Variants in SCAMP5 observed in about 807,000 individuals in gnomAD.
SCAMP5 encodes the protein secretory carrier membrane protein 5.
SCAMP5 carries 7 observed loss-of-function variants against 28.3 expected under a neutral mutation model. The observed-to-expected ratio is 0.25, with a 90% CI of 0.14 to 0.46. SCAMP5 has a LOEUF of 0.46. Among genes scored for constraint, SCAMP5 ranks in the 20% least tolerant of loss-of-function variants. SCAMP5 has a pLI of 0.99. For missense variants in SCAMP5, 192 were observed against 312.5 expected (o/e 0.61, Z 2.91); for synonymous variants, 117 against 116.4 (o/e 1.00, Z -0.03).
At chr15:74,998,069 C>T (rs893868621) in intron 1 of SCAMP5, among the ~76,000 whole-genome samples, 1 of 152,214 alleles carries the variant, frequency 6.6e-6, no homozygotes, top group Non-Finnish European at 1.5e-5. Flanking sequence ...CCAGGCTTGA[C>T]CCTCGTCTGC....
At chr15:75,012,875 C>A in intron 3 of SCAMP5, 70 bp downstream of exon 3, 2 of 1,513,830 alleles carry the variant, frequency 1.3e-6, no homozygotes. Context: ...TGCTGGGCAG[C>A]GGGGTGGGGT....
At position 75,018,699 on chromosome 15, in the gene SCAMP5, G is replaced by A; in HGVS notation, c.514-90G>A. 2.2e-6 allele frequency: 2 copies of A among 910,522 alleles called. No homozygotes were observed. The highest frequency in any genetic ancestry group is 3.3e-6 in the Non-Finnish European group (2 of 606,864). 56.4% of individuals were successfully genotyped at this position (910,522 alleles called of 1,614,324 possible). On this transcript the variant is annotated intron_variant, in intron 6 of 6. Coordinates refer to ENST00000425597, the MANE Select transcript of SCAMP5 (RefSeq NM_138967.4). The surrounding 1 kb of genome is among the most constrained non-coding windows in gnomAD (Gnocchi z 5.6). ...GAGGCATTCATGGGGAGGGAGCACT[G>A]TTTTTTTTTTACAGATGGGTCCCAT...
At chr15:75,014,230 G>A (rs1339045863) in intron 3 of SCAMP5, among the ~76,000 whole-genome samples, 1 of 152,150 alleles carries the variant, frequency 6.6e-6, no homozygotes, top group African/African-American at 2.4e-5. Context: ...GGTAGGAAGA[G>A]GATGGGGCAG....
At chr15:74,995,897 C>A (rs896703880) in intron 1 of SCAMP5, 39 of 153,320 alleles carry the variant, frequency 2.5e-4, no homozygotes, top group Non-Finnish European at 2.5e-4. Flanking sequence ...CCCCCCAAGC[C>A]CCCCCATTCC....
In SCAMP5 at chr15:75,018,411, C is replaced by G; in HGVS notation, c.396-7C>G. 1 of 1,602,822 alleles carries G rather than the reference C, an allele frequency of 6.2e-7. No individual in the cohort carries two copies. ...GCCCGCAGCCCCACACTGGCCTCTT[C>G]CTGCAGCGGCTGGATTGCTACCATC... is the stretch of plus-strand genomic sequence containing the variant. On this transcript the variant is annotated splice_polypyrimidine_tract_variant and splice_region_variant and intron_variant, in intron 5 of 6. Transcript: ENST00000425597. The surrounding 1 kb of genome is among the most constrained non-coding windows in gnomAD (Gnocchi z 5.6).
chr15:75,006,040 C>T (rs1188228511), intron 1 of SCAMP5, among the ~76,000 whole-genome samples: 3 of 139,938 alleles, frequency 2.1e-5, no homozygotes, highest in East Asian at 2.1e-4. Flanking sequence ...CTCTGTCACC[C>T]GGGCTGGAGT....
At chr15:75,010,192 A>G (rs1255118466) in intron 1 of SCAMP5, among the ~76,000 whole-genome samples, 1 of 152,128 alleles carries the variant, frequency 6.6e-6, no homozygotes, top group South Asian at 2.1e-4. Context: ...AACTCCCAGG[A>G]GCAGAGCATG....
chr15:75,008,993 C>T (rs966414779), intron 1 of SCAMP5, among the ~76,000 whole-genome samples: 2 of 152,048 alleles, frequency 1.3e-5, no homozygotes, highest in African/African-American at 4.8e-5. Flanking sequence ...AAAATATATT[C>T]TTATTATCTT....
intron 1 of SCAMP5, among the ~76,000 whole-genome samples, chr15:75,008,403 G>A (rs2065780734): frequency 6.7e-6 from 1 of 150,230 alleles, no homozygotes; most frequent in South Asian, 2.1e-4. Context: ...TACATAAGGG[G>A]TAGCATATGA....
intron 4 of SCAMP5, 188 bp from the exon 5 acceptor site, chr15:75,017,682 A>G (rs2065870633): frequency 1.6e-6 from 1 of 618,382 alleles, no homozygotes; most frequent in African/African-American, 1.8e-5. Context: ...ATGTTGCAAC[A>G]CACAGGTCTA....
At chr15:75,011,553 T>G in intron 1 of SCAMP5, 8 of 301,934 alleles carry the variant, frequency 2.6e-5, no homozygotes, top group East Asian at 5.1e-5. Context: ...TACCCTTGGA[T>G]GGGGTTTTCA....
In SCAMP5 at chr15:75,018,615, G is replaced by A. The variant is rs1401812050; in HGVS notation, c.513+80G>A. The A allele has an allele frequency of 8.8e-7, 1 of 1,132,542 alleles. No homozygotes were observed. The highest frequency in any genetic ancestry group is 1.3e-6 in the Non-Finnish European group (1 of 741,236). 70.2% of individuals were successfully genotyped at this position (1,132,542 alleles called of 1,614,324 possible). ...AAACAAGCCCTCCTCCAAGTTGCAAGAGGATCCCGAGGTCTTCCAAGGGAC... is the reference window on the plus strand; with the variant it reads ...AAACAAGCCCTCCTCCAAGTTGCAAAAGGATCCCGAGGTCTTCCAAGGGAC... On this transcript the variant is annotated intron_variant, in intron 6 of 6. Coordinates refer to ENST00000425597, the MANE Select transcript of SCAMP5 (RefSeq NM_138967.4). This position sits in a 1 kb window ranked among gnomAD's most constrained non-coding sequence, Gnocchi z 5.6.
chr15:75,018,773 G>A lies in SCAMP5; in HGVS notation c.514-16G>A, dbSNP rs764418634. 1.0e-5 allele frequency: 16 copies of A among 1,595,298 alleles called. No individual in the cohort carries two copies. Among genetic ancestry groups the A allele is most frequent in the East Asian group, 8.9e-5 (4 of 44,802 alleles). On this transcript the variant is annotated splice_polypyrimidine_tract_variant and intron_variant, in intron 6 of 6. Coordinates refer to ENST00000425597, the MANE Select transcript of SCAMP5 (RefSeq NM_138967.4). The surrounding 1 kb of genome is among the most constrained non-coding windows in gnomAD (Gnocchi z 5.6). ...TTCTCTTTGATTAACCCTTCTTTAC[G>A]CTCTTTTTCCTACAGGTTCATAAAT...
chr15:75,010,940 C>T (rs552661365), intron 1 of SCAMP5, among the ~76,000 whole-genome samples: 1 of 152,320 alleles, frequency 6.6e-6, no homozygotes, highest in Non-Finnish European at 1.5e-5. Flanking sequence ...TGCAGTGGCT[C>T]ATGCCTGTAA....
At chr15:75,016,346 C>G (rs943403492) in intron 3 of SCAMP5, among the ~76,000 whole-genome samples, 4 of 152,104 alleles carry the variant, frequency 2.6e-5, no homozygotes, top group African/African-American at 7.2e-5. Flanking sequence ...CTTTACTCCT[C>G]TGCGTGTGTA....
intron 1 of SCAMP5, among the ~76,000 whole-genome samples, chr15:75,010,462 C>T (rs1031206640): frequency 2.0e-5 from 3 of 152,184 alleles, no homozygotes; most frequent in Non-Finnish European, 2.9e-5. Context: ...ATCCTGCCCA[C>T]CTTGCCTTTC....
intron 1 of SCAMP5, among the ~76,000 whole-genome samples, chr15:75,004,946 T>C (rs1478598020): frequency 6.6e-6 from 1 of 151,592 alleles, no homozygotes; most frequent in Non-Finnish European, 1.5e-5. Context: ...GAAGGCGGAG[T>C]TGGGCGGATC....
In SCAMP5 at chr15:75,019,033, C is replaced by A; in HGVS notation, c.*50C>A. The A allele has an allele frequency of 7.7e-7, 1 of 1,303,626 alleles. No homozygotes were observed. Among genetic ancestry groups the A allele is most frequent in the Non-Finnish European group, 1.0e-6 (1 of 963,296 alleles). The allele number at this position is 1,303,626 out of a possible 1,614,324, so 80.8% of individuals were successfully genotyped here. Reference sequence around the variant, plus strand: ...GAGCTGGGGCCATTGGGACAGGGGGCTCAAGCCACATCGTCATTTGTGGTT... The same window carrying A: ...GAGCTGGGGCCATTGGGACAGGGGGATCAAGCCACATCGTCATTTGTGGTT... On this transcript the variant is annotated 3_prime_UTR_variant, in exon 7 of 7. Coordinates refer to ENST00000425597, the MANE Select transcript of SCAMP5 (RefSeq NM_138967.4).
intron 3 of SCAMP5, 157 bp downstream of exon 3, chr15:75,012,962 A>G: frequency 1.4e-6 from 1 of 700,968 alleles, no homozygotes; most frequent in Non-Finnish European, 2.3e-6. Context: ...CCAGGCTCCC[A>G]GAGGCTTCTT....
Sources: gnomAD v4.1 joint callset for allele counts (sites outside exome capture counted in the v4.1 genomes callset) on GRCh38, gnomAD v4.1.1 for gene constraint, Gnocchi (gnomAD v3.1) non-coding constraint, MANE v1.5 for transcripts, NCBI Gene and HGNC (gene_info 2026-07-23, HGNC 2026-07-21) for gene names.